Variants in LRP1B observed in about 807,000 individuals in gnomAD.
LRP1B encodes LDL receptor related protein 1B.
A neutral mutation model predicts 556.6 loss-of-function variants in LRP1B; 217 were observed. The observed-to-expected ratio is 0.39, with a 90% CI of 0.35 to 0.44. The LOEUF is 0.44. Among genes scored for constraint, LRP1B ranks in the 20% least tolerant of loss-of-function variants. The pLI is 1.00. For synonymous variants in LRP1B, 2,047 were observed against 1,865.8 expected, an observed-to-expected ratio of 1.10 and a Z score of -2.50; for missense variants, 5,053 against 5,620.8, an observed-to-expected ratio of 0.90 and a Z score of 3.23.
At chr2:141,145,029 A>T (rs1701746143) in intron 7 of LRP1B, among the ~76,000 whole-genome samples, 1 of 152,198 alleles carries the variant, frequency 6.6e-6, no homozygotes, top group Non-Finnish European at 1.5e-5. Context: ...TCTATCTCGA[A>T]AGAGAACCCA....
chr2:140,522,805 A>C (rs1690241133), intron 49 of LRP1B, among the ~76,000 whole-genome samples: 1 of 151,996 alleles, frequency 6.6e-6, no homozygotes, highest in Non-Finnish European at 1.5e-5. Context: ...AAAATGAATA[A>C]ATTTCTGGAA....
chr2:141,675,828 A>G (rs1244445757), intron 2 of LRP1B, among the ~76,000 whole-genome samples: 1 of 151,864 alleles, frequency 6.6e-6, no homozygotes, highest in Non-Finnish European at 1.5e-5. Context: ...CTGAGATTCC[A>G]TTTGTATAGT....
At chr2:141,281,917 A>G (rs1685522980) in intron 3 of LRP1B, among the ~76,000 whole-genome samples, 1 of 152,138 alleles carries the variant, frequency 6.6e-6, no homozygotes, top group East Asian at 1.9e-4. Context: ...GATCATAAGA[A>G]CATTAACTTT....
chr2:140,485,507 C>T lies in LRP1B; in HGVS notation c.9261G>A (p.Ala3087=), dbSNP rs749167039. 1.3e-5 allele frequency: 21 copies of T among 1,612,854 alleles called. No homozygotes were observed. The highest frequency in any genetic ancestry group is 8.8e-5 in the South Asian group (8 of 90,986). Residue 3087 remains alanine (A), a synonymous_variant, in exon 59 of 91, where the codon GCG becomes GCA. Coordinates refer to ENST00000389484, the MANE Select transcript of LRP1B (RefSeq NM_018557.3). ...AATCGACAGCAAGTGCATTGGGGACCGCTGTGTTATGAACTACCTACAAAA... is the reference window on the plus strand; with the variant it reads ...AATCGACAGCAAGTGCATTGGGGACTGCTGTGTTATGAACTACCTACAAAA... ...GSDIKVVHNT[A]VPNALAVDWI...
chr2:140,719,752 T>A (rs1345072568), intron 35 of LRP1B, among the ~76,000 whole-genome samples: 1 of 152,052 alleles, frequency 6.6e-6, no homozygotes, highest in Non-Finnish European at 1.5e-5. Context: ...TCCTTTCTAT[T>A]AGGTACATTT....
intron 7 of LRP1B, among the ~76,000 whole-genome samples, chr2:141,149,990 T>A (rs1386841851): frequency 3.9e-5 from 6 of 152,122 alleles, no homozygotes; most frequent in Non-Finnish European, 8.8e-5. Context: ...TTTTGAATAG[T>A]TGGAAGATGC....
At chr2:140,796,108 CA>C (rs1690303778) in intron 32 of LRP1B, among the ~76,000 whole-genome samples, 1 of 151,898 alleles carries the variant, frequency 6.6e-6, no homozygotes, top group Non-Finnish European at 1.5e-5. Flanking sequence ...CACACATTTT[CA>C]AATTCGTTCA....
At chr2:140,913,339 G>C (rs778955525) in intron 21 of LRP1B, among the ~76,000 whole-genome samples, 6 of 151,790 alleles carry the variant, frequency 4.0e-5, no homozygotes, top group Non-Finnish European at 8.8e-5. Flanking sequence ...ATATAAAGTA[G>C]AATAAGATGA....
At chr2:140,330,211 T>C (rs1222413319) in intron 79 of LRP1B, among the ~76,000 whole-genome samples, 1 of 115,206 alleles carries the variant, frequency 8.7e-6, no homozygotes, top group African/African-American at 3.3e-5. Flanking sequence ...ATAATAATAA[T>C]AATAATAATA....
chr2:141,105,606 T>A (rs1700584331), intron 7 of LRP1B, among the ~76,000 whole-genome samples: 1 of 152,254 alleles, frequency 6.6e-6, no homozygotes, highest in South Asian at 2.1e-4. Context: ...CTTGCTCTGG[T>A]TTCAATAATA....
chr2:140,888,134 G>A (rs760252443), intron 23 of LRP1B, among the ~76,000 whole-genome samples: 2 of 152,002 alleles, frequency 1.3e-5, no homozygotes, highest in Admixed American at 1.3e-4. Context: ...AACAGTCCAG[G>A]TTCCATATAT....
chr2:141,332,478 CA>C (rs1687689784), intron 3 of LRP1B, among the ~76,000 whole-genome samples: 1 of 150,492 alleles, frequency 6.6e-6, no homozygotes, highest in Non-Finnish European at 1.5e-5. Context: ...ATTTTATATG[CA>C]TCATCTAAGG....
intron 6 of LRP1B, among the ~76,000 whole-genome samples, chr2:141,214,384 G>A (rs1682695984): frequency 6.6e-6 from 1 of 152,108 alleles, no homozygotes; most frequent in Non-Finnish European, 1.5e-5. Flanking sequence ...TCCTTTAACT[G>A]TTACTCTAAA....
intron 3 of LRP1B, among the ~76,000 whole-genome samples, chr2:141,307,210 A>C (rs1380369630): frequency 1.3e-5 from 2 of 152,136 alleles, no homozygotes; most frequent in African/African-American, 4.8e-5. Context: ...TAGGGTGTTG[A>C]AATCCCCAAA....
At chr2:141,805,780 T>A (rs960147310) in intron 2 of LRP1B, 3 of 152,096 alleles carry the variant, frequency 2.0e-5, no homozygotes, top group African/African-American at 7.2e-5. Flanking sequence ...AAACAAAGAA[T>A]ATGCAGCAGA....
At chr2:141,776,340 A>G (rs1361450578) in intron 2 of LRP1B, among the ~76,000 whole-genome samples, 1 of 152,178 alleles carries the variant, frequency 6.6e-6, no homozygotes, top group Non-Finnish European at 1.5e-5. Context: ...CCTTAAGTCC[A>G]TATTGCATGA....
chr2:141,849,197 T>C (rs1250173963), intron 1 of LRP1B, among the ~76,000 whole-genome samples: 3 of 151,688 alleles, frequency 2.0e-5, no homozygotes, highest in Non-Finnish European at 3.0e-5. Flanking sequence ...AACTAAATTT[T>C]CTCATTAATT....
At chr2:140,681,040 A>G (rs1017276946) in intron 41 of LRP1B, among the ~76,000 whole-genome samples, 7 of 152,234 alleles carry the variant, frequency 4.6e-5, no homozygotes, top group Non-Finnish European at 7.3e-5. Context: ...CAGGAAAATG[A>G]AACTCCCTAA....
chr2:141,865,570 C>T (rs1271132340), intron 1 of LRP1B, among the ~76,000 whole-genome samples: 14 of 119,012 alleles, frequency 1.2e-4, no homozygotes, highest in African/African-American at 2.4e-4. Flanking sequence ...CCAGCCTGGG[C>T]GACAGAGCGA....
Sources: gnomAD v4.1 joint callset for allele counts (sites outside exome capture counted in the v4.1 genomes callset) on GRCh38, gnomAD v4.1.1 for gene constraint, MANE v1.5 for transcripts, NCBI Gene and HGNC (gene_info 2026-07-23, HGNC 2026-07-21) for gene names.